Variants in ZNF512B observed in about 807,000 individuals in gnomAD.
ZNF512B encodes the protein zinc finger protein 512B.
Under a neutral mutation model 87.8 loss-of-function variants are expected in ZNF512B, and 22 were observed. That is an observed-to-expected ratio of 0.25 (90% confidence interval 0.18 to 0.36). The LOEUF (loss-of-function observed/expected upper bound fraction) is 0.36, where lower values mean the gene tolerates loss of function less well. Among genes scored for constraint, ZNF512B ranks in the 10% least tolerant of loss-of-function variants. ZNF512B has a pLI of 1.00. For synonymous variants in ZNF512B, 524 were observed against 490.9 expected (o/e 1.07, Z -0.89); for missense variants, 1,060 against 1,231.6 (o/e 0.86, Z 2.09).
rs1401236686 is a variant in ZNF512B at position 63,966,336 on chromosome 20, T to G, written c.839A>C (p.Lys280Thr). The change falls in exon 5 of 17, where the codon AAG becomes ACG. Residue 280 changes from lysine to threonine, a missense_variant. Lys to Thr is a moderately conservative substitution (Grantham distance 78). Coordinates refer to ENST00000369888, the MANE Select transcript of ZNF512B (RefSeq NM_020713.3). ...VPVTKPITVT[K>T]LVTVTKPVPV... Reference sequence around the variant, plus strand: ...CACGGGTTTCGTAACTGTCACAAGCTTTGTTACCGTAATGGGTTTGGTGAC... The same window carrying G: ...CACGGGTTTCGTAACTGTCACAAGCGTTGTTACCGTAATGGGTTTGGTGAC... 6.3e-7 allele frequency: 1 copy of G among 1,595,052 alleles called. No homozygotes were observed. Among genetic ancestry groups the G allele is most frequent in the Non-Finnish European group, 8.6e-7 (1 of 1,166,654 alleles).
Position 63,964,353 on chromosome 20 carries a change from G to C in ZNF512B, c.1300C>G (p.Gln434Glu), listed in dbSNP as rs556030164. 1 of 1,613,910 alleles carries C rather than the reference G, an allele frequency of 6.2e-7. No homozygotes were observed. Among genetic ancestry groups the C allele is most frequent in the Admixed American group, 1.7e-5 (1 of 60,030 alleles). ...QKTPKKFTGE[Q>E]PSISGTFGLK... ...CCAAAGGTCCCTGAGATGGATGGCTGCTCCCCTGTAAACTTTTTGGGTGTT... is the reference window on the plus strand; with the variant it reads ...CCAAAGGTCCCTGAGATGGATGGCTCCTCCCCTGTAAACTTTTTGGGTGTT... The change falls in exon 7 of 17, where the codon CAG (glutamine) becomes GAG (glutamate). Residue 434 changes from glutamine to glutamate, a missense_variant. Gln to Glu is a conservative substitution (Grantham distance 29). Coordinates refer to ENST00000369888, the MANE Select transcript of ZNF512B (RefSeq NM_020713.3).
rs2058888973 is a variant in ZNF512B at position 63,963,902 on chromosome 20, C to T, written c.1492G>A (p.Glu498Lys). The T allele has an allele frequency of 2.5e-6, 4 of 1,610,768 alleles. No homozygotes were observed. The highest frequency in any genetic ancestry group is 4.5e-5 in the East Asian group (2 of 44,882). The change falls in exon 9 of 17, where the codon GAG becomes AAG. Residue 498 changes from glutamate (E) to lysine (K), a missense_variant. Around this residue, in one of 9 missense-constraint regions of ZNF512B, gnomAD observed 212 missense variants for 207.6 expected, o/e 1.02. Coordinates refer to ENST00000369888, the MANE Select transcript of ZNF512B (RefSeq NM_020713.3). Reference sequence around the variant, plus strand: ...TCATGGATGGCCCTCTGCCACTGCTCTTCAGGGCCACCTGTGGGTAAGGCA... The same window carrying T: ...TCATGGATGGCCCTCTGCCACTGCTTTTCAGGGCCACCTGTGGGTAAGGCA... The part of the protein sequence containing the change: ...VAHPAPGGPE[E>K]QWQRAIHERG...
rs932447892 is a variant in ZNF512B at position 63,959,558 on chromosome 20, G to A, written c.*330C>T. 1 of 336,004 alleles carries A rather than the reference G, an allele frequency of 3.0e-6. No individual in the cohort carries two copies. 20.8% of individuals were successfully genotyped at this position (336,004 alleles called of 1,614,324 possible). A position where few individuals can be genotyped will look rare whatever the true frequency, so the allele number is the denominator to read the frequency against. ...CGGCAGGGCCTGAGGAAGCGGAGCC[G>A]GGGGGCCAAAGGCCATCTGCCTACT... On this transcript the variant is annotated 3_prime_UTR_variant, in exon 17 of 17. Coordinates refer to ENST00000369888, the MANE Select transcript of ZNF512B (RefSeq NM_020713.3).
Position 63,967,084 on chromosome 20 carries a change from C to A in ZNF512B, c.265-80G>T, listed in dbSNP as rs537791467. 2.5e-6 allele frequency: 4 copies of A among 1,589,406 alleles called. No homozygotes were observed. In the Admixed American group the frequency reaches 6.8e-5, roughly 27 times the overall value. On this transcript the variant is annotated intron_variant, in intron 3 of 16. Transcript: ENST00000369888. ...GCCCGAGCCCCAGACTCAGAGCCCCCCCGGGCCTGCAGGGCACACACACCA... is the reference window on the plus strand; with the variant it reads ...GCCCGAGCCCCAGACTCAGAGCCCCACCGGGCCTGCAGGGCACACACACCA...
At position 63,964,212 on chromosome 20, in the gene ZNF512B, C is replaced by T. The variant is rs1333841344; in HGVS notation, c.1339G>A (p.Val447Ile). 6.2e-7 allele frequency: 1 copy of T among 1,603,832 alleles called. No homozygotes were observed. Among genetic ancestry groups the T allele is most frequent in the Non-Finnish European group, 8.5e-7 (1 of 1,175,436 alleles). Residue 447 changes from valine to isoleucine, a missense_variant, in exon 8 of 17, where the codon GTC becomes ATC. Val to Ile is a conservative substitution (Grantham distance 29). This residue lies in a region of ZNF512B where 212 missense variants were observed against 207.6 expected (regional missense o/e 1.02). Coordinates refer to ENST00000369888, the MANE Select transcript of ZNF512B (RefSeq NM_020713.3). ...ACTCGGGCCTTGTCCTCAGCTTTGA[C>T]CAGGCCTGTGTGCACACATGGGGTG... ...ISGTFGLKGL[V>I]KAEDKARVHR...
chr20:63,962,263 C>T lies in ZNF512B; in HGVS notation c.2265+10G>A. 6.2e-7 allele frequency: 1 copy of T among 1,605,584 alleles called. No homozygotes were observed. The highest frequency in any genetic ancestry group is 1.1e-5 in the South Asian group (1 of 90,490). ...CTCCCCACGCCCCCCACCCGGCTGC[C>T]TCCGCTCACGTCGTTGGGACAGTTG... On this transcript the variant is annotated intron_variant, in intron 14 of 16. Transcript: ENST00000369888.
Position 63,963,919 on chromosome 20 carries a change from G to C in ZNF512B, c.1481-6C>G, listed in dbSNP as rs768683055. On this transcript the variant is annotated splice_polypyrimidine_tract_variant and splice_region_variant and intron_variant, in intron 8 of 16. Coordinates refer to ENST00000369888, the MANE Select transcript of ZNF512B (RefSeq NM_020713.3). The stretch of plus-strand genomic sequence containing the variant: ...CCACTGCTCTTCAGGGCCACCTGTG[G>C]GTAAGGCAGGGGCCTCGAAGGCTTG... 1.2e-6 allele frequency: 2 copies of C among 1,608,838 alleles called. No homozygotes were observed. Among genetic ancestry groups the C allele is most frequent in the African/African-American group, 1.3e-5 (1 of 75,062 alleles).
rs1569194949 is a variant in ZNF512B, at chr20:63,962,709, G to A, written c.2041C>T (p.Arg681Cys). The A allele has an allele frequency of 1.2e-6, 2 of 1,602,388 alleles. No homozygotes were observed. Among genetic ancestry groups the A allele is most frequent in the Non-Finnish European group, 1.7e-6 (2 of 1,176,182 alleles). ...ACCTGGGCCGACGTGCGGCGGACAC[G>A]CCCGCTTGGGGTCCGCTCCACACCC... ...PLGVERTPSGRVRRTSAQVAV... is the reference protein window; with the variant it reads ...PLGVERTPSGCVRRTSAQVAV... The change falls in exon 13 of 17, where the codon CGT becomes TGT. Residue 681 changes from arginine (R) to cysteine (C), a missense_variant. Coordinates refer to ENST00000369888, the MANE Select transcript of ZNF512B (RefSeq NM_020713.3).
Position 63,962,720 on chromosome 20 carries a change from G to T in ZNF512B, c.2030C>A (p.Thr677Asn), listed in dbSNP as rs1471738128. The change falls in exon 13 of 17, where the codon ACC (threonine) becomes AAC (asparagine). Residue 677 changes from threonine to asparagine, a missense_variant. Thr to Asn is a moderately conservative substitution (Grantham distance 65, BLOSUM62 0). Coordinates refer to ENST00000369888, the MANE Select transcript of ZNF512B (RefSeq NM_020713.3). The part of the protein sequence containing the change: ...EAEDPLGVER[T>N]PSGRVRRTSA... ...CGTGCGGCGGACACGCCCGCTTGGG[G>T]TCCGCTCCACACCCAGCGGGTCCTC... is the stretch of plus-strand genomic sequence containing the variant. 7 of 1,603,384 alleles carry T rather than the reference G, an allele frequency of 4.4e-6. No homozygotes were observed. The highest frequency in any genetic ancestry group is 5.9e-6 in the Non-Finnish European group (7 of 1,176,592).
At chr20:63,960,932 A>G (rs1181956593) in intron 16 of ZNF512B, among the ~76,000 whole-genome samples, 3 of 141,202 alleles carry the variant, frequency 2.1e-5, no homozygotes, top group Non-Finnish European at 4.6e-5. Context: ...CACCTGCAGC[A>G]GGGGGCTGGA....
At chr20:63,967,087 G>A (rs577645083) in intron 3 of ZNF512B, 83 bp from the exon 4 acceptor site, 50 of 1,577,172 alleles carry the variant, frequency 3.2e-5, no homozygotes, top group African/African-American at 1.6e-4. Flanking sequence ...GAGCCCCCCC[G>A]GGCCTGCAGG....
Position 63,966,443 on chromosome 20 carries a change from C to T in ZNF512B, c.732G>A (p.Arg244=), listed in dbSNP as rs564613657. ...VPVTKPVTVS[R]PMPVTKAMPV... is the part of the protein sequence containing the mutation. The stretch of plus-strand genomic sequence containing the variant: ...GCATGGCCTTGGTGACGGGCATGGG[C>T]CTGCTGACTGTGACAGGTTTGGTGA... Residue 244 remains arginine, a synonymous_variant, in exon 5 of 17, where the codon AGG becomes AGA. Coordinates refer to ENST00000369888, the MANE Select transcript of ZNF512B (RefSeq NM_020713.3). The T allele has an allele frequency of 1.5e-5, 25 of 1,613,712 alleles. No homozygotes were observed. The South Asian group carries it at 2.5e-4, about 16-fold the overall frequency.
rs1301478094 is a variant in ZNF512B at position 63,963,730 on chromosome 20, G to A, written c.1606-20C>T. ...CTGAAGCTGCAGATGGCCCACATGT[G>A]AGAAGCCTGCCTGGGGCCAGGGCGC... is the stretch of plus-strand genomic sequence containing the variant. On this transcript the variant is annotated intron_variant, in intron 9 of 16. Transcript: ENST00000369888. 1 of 1,613,196 alleles carries A rather than the reference G, an allele frequency of 6.2e-7. No homozygotes were observed. The highest frequency in any genetic ancestry group is 8.5e-7 in the Non-Finnish European group (1 of 1,180,028).
Position 63,962,284 on chromosome 20 carries a change from A to G in ZNF512B, c.2254T>C (p.Cys752Arg). ...CTGCCTCCGCTCACGTCGTTGGGAC[A>G]GTTGACGTGGCCTTTCTCCTTCACT... Reference protein sequence around the residue: ...NEVKEKGHVNCPNDCCEAIYS... With the variant: ...NEVKEKGHVNRPNDCCEAIYS... The change falls in exon 14 of 17, where the codon TGT (cysteine) becomes CGT (arginine). Residue 752 changes from cysteine to arginine, a missense_variant. Physicochemically the swap from Cys to Arg is radical, Grantham distance 180. Transcript: ENST00000369888. 1 of 1,611,564 alleles carries G rather than the reference A, an allele frequency of 6.2e-7. No individual in the cohort carries two copies. Among genetic ancestry groups the G allele is most frequent in the Non-Finnish European group, 8.5e-7 (1 of 1,179,786 alleles).
chr20:63,963,000 C>T lies in ZNF512B; in HGVS notation c.1968+95G>A, dbSNP rs149095552. ...AGGGGTGGGAAACACACGCGTTGGG[C>T]GGTACATGGACAAATACAGTTGGCA... On this transcript the variant is annotated intron_variant, in intron 12 of 16. Transcript: ENST00000369888. 3.4e-3 allele frequency: 4,829 copies of T among 1,410,684 alleles called. 20 individuals carry two copies. Among genetic ancestry groups the T allele is most frequent in the Admixed American group, 0.016 (649 of 40,232 alleles). The allele number at this position is 1,410,684 out of a possible 1,614,324, so 87.4% of individuals were successfully genotyped here.
chr20:63,967,359 C>T, intron 3 of ZNF512B, 22 bp downstream of exon 3: 2 of 1,578,706 alleles, frequency 1.3e-6, no homozygotes, highest in Non-Finnish European at 1.7e-6. Context: ...ATGAGCCCCA[C>T]CATGGCCCTG....
At chr20:63,967,633 CA>C in intron 2 of ZNF512B, 110 bp from the exon 3 acceptor site, 1 of 1,491,862 alleles carries the variant, frequency 6.7e-7, no homozygotes, top group Non-Finnish European at 8.9e-7. Context: ...GCACCGGGGG[CA>C]GGGGCTGCGG....
intron 13 of ZNF512B, 78 bp downstream of exon 13, chr20:63,962,509 C>G (rs2058864348): frequency 3.9e-6 from 6 of 1,556,116 alleles, no homozygotes; most frequent in African/African-American, 1.4e-5. Context: ...ACAGCAGTGG[C>G]TGTCCCAAGT....
intron 13 of ZNF512B, 54 bp downstream of exon 13, chr20:63,962,533 A>G: frequency 6.4e-7 from 1 of 1,569,270 alleles, no homozygotes; most frequent in Non-Finnish European, 8.6e-7. Context: ...AGGCCAAGGC[A>G]TGCCCCACGC....
Sources: gnomAD v4.1 joint callset for allele counts (sites outside exome capture counted in the v4.1 genomes callset) on GRCh38, gnomAD v4.1.1 for gene constraint, gnomAD v4.1.1 regional missense constraint, MANE v1.5 for transcripts, NCBI Gene and HGNC (gene_info 2026-07-23, HGNC 2026-07-21) for gene names.